The following S100A10 variants were observed in gnomAD, a reference collection of about 807,000 sequenced individuals.
The protein encoded by S100A10 is protein S100-A10.
A neutral mutation model predicts 7.1 loss-of-function variants in S100A10; 3 were observed. The observed-to-expected ratio is 0.42, with a 90% confidence interval of 0.19 to 1.10. S100A10 has a LOEUF of 1.10. S100A10 is among the 50% of genes least tolerant of loss of function. The pLI is 0.29. For missense variants in S100A10, 101 were observed against 118.1 expected, an observed-to-expected ratio of 0.86 and a Z score of 0.67; for synonymous variants, 41 against 39.3, an observed-to-expected ratio of 1.04 and a Z score of -0.16.
At chr1:151,988,843 TG>T (rs1210625939) in intron 1 of S100A10, among the ~76,000 whole-genome samples, 3 of 152,182 alleles carry the variant, frequency 2.0e-5, no homozygotes, top group Non-Finnish European at 2.9e-5. Flanking sequence ...AGAACTGAAC[TG>T]GGCGAGTCAC....
chr1:151,990,800 TTTC>T (rs1287461583), intron 1 of S100A10, among the ~76,000 whole-genome samples: 2 of 152,202 alleles, frequency 1.3e-5, no homozygotes, highest in African/African-American at 4.8e-5. Flanking sequence ...TGTGTTTCTG[TTTC>T]TTTCCTCACT....
At chr1:151,986,288 C>CT in intron 1 of S100A10, 37 bp from the exon 2 acceptor site, 4 of 1,447,806 alleles carry the variant, frequency 2.8e-6, no homozygotes, top group Admixed American at 2.6e-5. Context: ...TCTACATTAA[C>CT]TTTTTTTGGC....
chr1:151,987,314 T>C (rs961683783), intron 1 of S100A10, among the ~76,000 whole-genome samples: 1 of 151,848 alleles, frequency 6.6e-6, no homozygotes, highest in Admixed American at 6.6e-5. Flanking sequence ...GTTCCTCTTT[T>C]TAACTGACAA....
intron 1 of S100A10, among the ~76,000 whole-genome samples, chr1:151,989,066 A>C (rs1269688766): frequency 2.0e-5 from 3 of 152,182 alleles, no homozygotes; most frequent in Non-Finnish European, 4.4e-5. Flanking sequence ...CAGAATTAAG[A>C]AAGGGAATGC....
intron 1 of S100A10, among the ~76,000 whole-genome samples, chr1:151,987,027 C>CTTTTTTTTTT (rs386368314): frequency 2.4e-5 from 2 of 83,526 alleles, no homozygotes; most frequent in Admixed American, 1.8e-4. Context: ...CAGTGTTCCT[C>CTTTTTTTTTT]TTTTTTTTTT....
At chr1:151,983,469 T>C in intron 2 of S100A10, 145 bp from the exon 3 acceptor site, 1 of 415,758 alleles carries the variant, frequency 2.4e-6, no homozygotes, top group Non-Finnish European at 4.1e-6. Flanking sequence ...TTGGAGTTCA[T>C]CTAAATGTAT....
chr1:151,991,608 T>G (rs1655904141), intron 1 of S100A10, among the ~76,000 whole-genome samples: 1 of 152,240 alleles, frequency 6.6e-6, no homozygotes, highest in Non-Finnish European at 1.5e-5. Context: ...CTAAATTTGT[T>G]GAGTCCCCAG....
intron 2 of S100A10, 104 bp from the exon 3 acceptor site, chr1:151,983,428 T>C: frequency 1.6e-6 from 1 of 628,832 alleles, no homozygotes; most frequent in Non-Finnish European, 2.4e-6. Flanking sequence ...TCCCAATTAC[T>C]TGAGCTCTTG....
chr1:151,987,713 T>C (rs1265204135), intron 1 of S100A10, among the ~76,000 whole-genome samples: 1 of 151,886 alleles, frequency 6.6e-6, no homozygotes, highest in Non-Finnish European at 1.5e-5. Context: ...CTAATTTTTT[T>C]GTATTTTTAG....
chr1:151,989,566 G>C (rs776078973), intron 1 of S100A10, among the ~76,000 whole-genome samples: 9 of 152,222 alleles, frequency 5.9e-5, no homozygotes, highest in Non-Finnish European at 1.0e-4. Context: ...TTGCACACTG[G>C]CTTTAAAATA....
At chr1:151,983,397 G>A in intron 2 of S100A10, 73 bp from the exon 3 acceptor site, 2 of 963,502 alleles carry the variant, frequency 2.1e-6, no homozygotes, top group Non-Finnish European at 2.9e-6. Flanking sequence ...GATTTGTACT[G>A]CTGAGAACTG....
At chr1:151,988,514 G>A (rs1655842917) in intron 1 of S100A10, among the ~76,000 whole-genome samples, 1 of 152,138 alleles carries the variant, frequency 6.6e-6, no homozygotes. Flanking sequence ...CATGAGGATT[G>A]AGCAATTAAC....
intron 1 of S100A10, among the ~76,000 whole-genome samples, chr1:151,991,297 T>C (rs1436772864): frequency 1.3e-5 from 2 of 152,216 alleles, no homozygotes; most frequent in Non-Finnish European, 2.9e-5. Context: ...AGGCTGTCTC[T>C]CTCACCTCTC....
Position 151,993,040 on chromosome 1 carries a change from T to C in S100A10, c.-22+712A>G, listed in dbSNP as rs750340824. On this transcript the variant is annotated intron_variant, in intron 1 of 2. Transcript: ENST00000368811. This position sits in a 1 kb window ranked among gnomAD's most constrained non-coding sequence, Gnocchi z 5.1. ...CAAGCCTGCTCTTCCTCCATCTCTT[T>C]CTGGTTCCACTTATTAAGACAGCAA... Among the ~76,000 whole-genome samples, 5 of 152,332 alleles carry C rather than the reference T, an allele frequency of 3.3e-5. No homozygotes were observed. The highest frequency in any genetic ancestry group is 7.3e-5 in the Non-Finnish European group (5 of 68,032).
intron 1 of S100A10, among the ~76,000 whole-genome samples, chr1:151,986,773 TA>T (rs1655799675): frequency 6.6e-6 from 1 of 152,224 alleles, no homozygotes; most frequent in Non-Finnish European, 1.5e-5. Flanking sequence ...TTTTAAGCCA[TA>T]TGTATTGCCA....
chr1:151,988,324 A>G (rs1050468271), intron 1 of S100A10, among the ~76,000 whole-genome samples: 2 of 152,196 alleles, frequency 1.3e-5, no homozygotes, highest in Non-Finnish European at 2.9e-5. Flanking sequence ...AAAAAATAAA[A>G]ATAAATAATC....
intron 2 of S100A10, chr1:151,984,017 G>A (rs1405194196): frequency 3.3e-5 from 5 of 152,184 alleles, no homozygotes; most frequent in Non-Finnish European, 7.4e-5. Flanking sequence ...TCAGTGCCTG[G>A]TAAGAATGTA....
intron 1 of S100A10, among the ~76,000 whole-genome samples, chr1:151,991,375 A>G (rs1307180169): frequency 3.3e-5 from 5 of 152,200 alleles, no homozygotes; most frequent in African/African-American, 9.6e-5. Flanking sequence ...TTCAATAGGA[A>G]GAAAGAACTT....
chr1:151,983,821 C>A (rs1372508596), intron 2 of S100A10, among the ~76,000 whole-genome samples: 1 of 152,154 alleles, frequency 6.6e-6, no homozygotes, highest in African/African-American at 2.4e-5. Context: ...GCTGAGTGAA[C>A]CACACAGCTT....
Sources: gnomAD v4.1 joint callset for allele counts (sites outside exome capture counted in the v4.1 genomes callset) on GRCh38, gnomAD v4.1.1 for gene constraint, Gnocchi (gnomAD v3.1) non-coding constraint, MANE v1.5 for transcripts, NCBI Gene and HGNC (gene_info 2026-07-23, HGNC 2026-07-21) for gene names.